The following ARMC3 variants were observed in gnomAD, a reference collection of about 807,000 sequenced individuals.
ARMC3 encodes armadillo repeat-containing protein 3.
Under a neutral mutation model 90.3 loss-of-function variants are expected in ARMC3, and 74 were observed. The ratio of observed to expected loss-of-function variants is 0.82; its 90% CI spans 0.68 to 0.99. ARMC3 has a LOEUF of 0.99. Ranked by LOEUF, ARMC3 falls within the 50% of genes least tolerant of loss-of-function variation. The pLI is 0.00. For missense variants in ARMC3, 958 were observed against 1,042.8 expected (o/e 0.92, Z 1.12); for synonymous variants, 334 against 361.8 (o/e 0.92, Z 0.87).
intron 10 of ARMC3, among the ~76,000 whole-genome samples, chr10:22,994,322 G>C (rs998692047): frequency 3.3e-5 from 5 of 152,208 alleles, no homozygotes; most frequent in African/African-American, 1.2e-4. Context: ...GCAACAGGAA[G>C]AGGCGGCGAG....
intron 3 of ARMC3, among the ~76,000 whole-genome samples, chr10:22,951,534 A>G (rs1834740003): frequency 6.6e-6 from 1 of 152,192 alleles, no homozygotes; most frequent in Non-Finnish European, 1.5e-5. Context: ...AATAAGCCTC[A>G]ATAAATTTTA....
chr10:23,022,028 A>C (rs1379602163), intron 16 of ARMC3, among the ~76,000 whole-genome samples: 1 of 152,114 alleles, frequency 6.6e-6, no homozygotes, highest in Non-Finnish European at 1.5e-5. Flanking sequence ...GTCATGTCTA[A>C]AAACTCCCTG....
At chr10:23,029,843 T>A (rs1036680330) in intron 16 of ARMC3, among the ~76,000 whole-genome samples, 1 of 152,160 alleles carries the variant, frequency 6.6e-6, no homozygotes, top group Non-Finnish European at 1.5e-5. Flanking sequence ...GGAGATTACA[T>A]GCCATTCTCA....
chr10:22,966,497 C>A (rs1835445169), intron 7 of ARMC3, among the ~76,000 whole-genome samples: 1 of 152,180 alleles, frequency 6.6e-6, no homozygotes, highest in Non-Finnish European at 1.5e-5. Context: ...GAGGTCTGGG[C>A]ATAGTTTATA....
chr10:22,996,327 G>T (rs1836953447), intron 10 of ARMC3, among the ~76,000 whole-genome samples: 1 of 152,114 alleles, frequency 6.6e-6, no homozygotes, highest in Admixed American at 6.5e-5. Flanking sequence ...ATTATCTTAA[G>T]AATGCTTATT....
chr10:22,967,221 T>C (rs540332754), intron 7 of ARMC3, among the ~76,000 whole-genome samples: 1 of 152,226 alleles, frequency 6.6e-6, no homozygotes, highest in East Asian at 1.9e-4. Flanking sequence ...TCATGGAGGG[T>C]AATCTGCTTT....
intron 10 of ARMC3, among the ~76,000 whole-genome samples, chr10:22,988,474 C>G (rs1214601662): frequency 6.6e-6 from 1 of 152,158 alleles, no homozygotes; most frequent in African/African-American, 2.4e-5. Flanking sequence ...TGAAAAATTT[C>G]TCTCCCATTC....
rs1384674611 is a variant in ARMC3 at position 22,998,314 on chromosome 10, C to A, written c.1342C>A (p.Leu448Met). Residue 448 changes from leucine (L) to methionine (M), a missense_variant, in exon 11 of 19, where the codon CTG becomes ATG. Leu to Met is a conservative substitution (Grantham distance 15). Coordinates refer to ENST00000298032, the MANE Select transcript of ARMC3 (RefSeq NM_173081.5). ...HDIMHAIISP[L>M]RSANTVVQSK... Reference sequence around the variant, plus strand: ...CATCATGCATGCCATCATCAGCCCACTGCGTTCTGCAAACACAGTCGTGCA... The same window carrying A: ...CATCATGCATGCCATCATCAGCCCAATGCGTTCTGCAAACACAGTCGTGCA... 11 of 1,613,160 alleles carry A rather than the reference C, an allele frequency of 6.8e-6. No individual in the cohort carries two copies. The highest frequency in any genetic ancestry group is 1.3e-5 in the African/African-American group (1 of 74,938).
chr10:22,965,480 T>A (rs1245884987), intron 7 of ARMC3, among the ~76,000 whole-genome samples: 1 of 152,222 alleles, frequency 6.6e-6, no homozygotes, highest in East Asian at 1.9e-4. Flanking sequence ...TTGCTCTTTA[T>A]CTTTGGCTTT....
chr10:22,975,642 A>G (rs968846614), intron 8 of ARMC3, among the ~76,000 whole-genome samples: 2 of 152,150 alleles, frequency 1.3e-5, no homozygotes, highest in African/African-American at 4.8e-5. Flanking sequence ...TATTTTGCAT[A>G]TATGATTTTT....
At chr10:22,999,231 G>A (rs1410175738) in intron 11 of ARMC3, among the ~76,000 whole-genome samples, 1 of 152,030 alleles carries the variant, frequency 6.6e-6, no homozygotes, top group Non-Finnish European at 1.5e-5. Flanking sequence ...ATAATTTATG[G>A]TGATCCTATT....
At chr10:23,020,153 G>C (rs563928613) in intron 16 of ARMC3, among the ~76,000 whole-genome samples, 1 of 151,164 alleles carries the variant, frequency 6.6e-6, no homozygotes, top group Non-Finnish European at 1.5e-5. Context: ...TTTTGAGGCA[G>C]AGTCTCGCTC....
chr10:22,956,824 T>C (rs1282965211), intron 4 of ARMC3, among the ~76,000 whole-genome samples: 1 of 148,660 alleles, frequency 6.7e-6, no homozygotes, highest in African/African-American at 2.4e-5. Context: ...TATTATATAT[T>C]AAATAACGTA....
intron 8 of ARMC3, among the ~76,000 whole-genome samples, chr10:22,979,575 C>A (rs1668824264): frequency 6.6e-6 from 1 of 152,136 alleles, no homozygotes; most frequent in South Asian, 2.1e-4. Context: ...CTGATAGAAT[C>A]CATGCTAAGA....
chr10:22,943,409 T>G (rs1834399419), intron 2 of ARMC3, among the ~76,000 whole-genome samples: 1 of 152,196 alleles, frequency 6.6e-6, no homozygotes, highest in South Asian at 2.1e-4. Context: ...GTGTGGAACT[T>G]TGGTTACTTA....
intron 8 of ARMC3, among the ~76,000 whole-genome samples, chr10:22,973,753 C>T (rs1240693040): frequency 1.7e-3 from 134 of 79,912 alleles, no homozygotes; most frequent in African/African-American, 4.1e-3. Context: ...CTTTGTCTTT[C>T]TTTTTTTTTT....
chr10:22,932,094 A>C (rs770106534), intron 2 of ARMC3, 50 bp downstream of exon 2: 18 of 1,510,846 alleles, frequency 1.2e-5, no homozygotes, highest in Non-Finnish European at 1.4e-5. Flanking sequence ...CAGTTATAAA[A>C]ATAAATTGTT....
At chr10:22,966,829 C>G (rs1311380856) in intron 7 of ARMC3, among the ~76,000 whole-genome samples, 2 of 152,216 alleles carry the variant, frequency 1.3e-5, no homozygotes, top group Non-Finnish European at 2.9e-5. Flanking sequence ...AACTCACTCA[C>G]TGTCATGAGA....
intron 10 of ARMC3, among the ~76,000 whole-genome samples, chr10:22,986,118 C>A (rs561524713): frequency 4.0e-5 from 6 of 148,762 alleles, no homozygotes; most frequent in East Asian, 2.2e-4. Flanking sequence ...ACGCCCCCCC[C>A]CCGCGCCACA....
Sources: allele counts gnomAD v4.1 joint callset (sites outside exome capture counted in the v4.1 genomes callset), GRCh38; gene constraint gnomAD v4.1.1; transcripts MANE v1.5; gene names NCBI Gene and HGNC (gene_info 2026-07-23, HGNC 2026-07-21).